The following ADGRL2 variants were observed in gnomAD, a reference collection of about 807,000 sequenced individuals.
ADGRL2 encodes the protein adhesion G protein-coupled receptor L2, also known as calcium-independent alpha-latrotoxin receptor 2.
ADGRL2 carries 44 observed loss-of-function variants against 157.4 expected under a neutral mutation model. The ratio of observed to expected loss-of-function variants is 0.28; its 90% confidence interval spans 0.22 to 0.36. The LOEUF (loss-of-function observed/expected upper bound fraction) is 0.36. Ranked by LOEUF, ADGRL2 falls within the 10% of genes least tolerant of loss-of-function variation. The pLI, the probability that ADGRL2 is intolerant of heterozygous loss-of-function variation, is 1.00. For missense variants in ADGRL2, 1,510 were observed against 1,768.9 expected (o/e 0.85, Z 2.63); for synonymous variants, 585 against 624.7 (o/e 0.94, Z 0.95).
chr1:81,797,573 A>G (rs1452056916), upstream of ADGRL2, among the ~76,000 whole-genome samples: 1 of 152,198 alleles, frequency 6.6e-6, no homozygotes, highest in East Asian at 1.9e-4. Flanking sequence ...ACTAATCACA[A>G]TATTCTGCAC....
intron 3 of ADGRL2, among the ~76,000 whole-genome samples, chr1:81,655,329 C>A (rs2082509584): frequency 6.6e-6 from 1 of 152,118 alleles, no homozygotes; most frequent in African/African-American, 2.4e-5. Context: ...TTACTACTAA[C>A]ACCCCCATTT....
At chr1:81,482,077 G>T (rs1393780896) in intron 2 of ADGRL2, among the ~76,000 whole-genome samples, 1 of 152,112 alleles carries the variant, frequency 6.6e-6, no homozygotes, top group African/African-American at 2.4e-5. Flanking sequence ...AAGGTTAAAA[G>T]TTGCCTTGAA....
chr1:81,575,196 C>T (rs1026717497), intron 2 of ADGRL2, among the ~76,000 whole-genome samples: 48 of 152,054 alleles, frequency 3.2e-4, no homozygotes, highest in Non-Finnish European at 5.7e-4. Flanking sequence ...CGTGTCTTCC[C>T]CCATGCCGGT....
chr1:81,539,028 A>AAAAAAAG (rs1553121682), intron 2 of ADGRL2, among the ~76,000 whole-genome samples: 2 of 144,758 alleles, frequency 1.4e-5, no homozygotes. Context: ...AAAAAAAAAA[A>AAAAAAAG]GACAACATAA....
Position 81,727,722 on chromosome 1 carries a change from C to T in ADGRL2, c.-143+27914C>T, listed in dbSNP as rs573798875. Among the ~76,000 whole-genome samples, 113 of 152,154 alleles carry T rather than the reference C, an allele frequency of 7.4e-4. 1 individual carries two copies. The highest frequency in any genetic ancestry group is 2.4e-3 in the African/African-American group (100 of 41,518). ...CTGGGATTGCAGGCATGAGCCACCACGCCTGGCTGAAAACTCAATTTTTAC... is the reference window on the plus strand; with the variant it reads ...CTGGGATTGCAGGCATGAGCCACCATGCCTGGCTGAAAACTCAATTTTTAC... On this transcript the variant is annotated intron_variant, in intron 1 of 20. Coordinates refer to the ADGRL2 transcript ENST00000359929.
intron 1 of ADGRL2, among the ~76,000 whole-genome samples, chr1:81,370,530 A>G (rs1030356270): frequency 2.0e-5 from 3 of 152,120 alleles, no homozygotes; most frequent in African/African-American, 7.2e-5. Context: ...CCTACATGAA[A>G]ATTATACCCA....
At chr1:81,718,700 C>G (rs192899041) in intron 1 of ADGRL2, among the ~76,000 whole-genome samples, 1 of 152,328 alleles carries the variant, frequency 6.6e-6, no homozygotes, top group East Asian at 1.9e-4. Context: ...GCTTCGCCTT[C>G]TAATCCAATC....
At chr1:81,658,665 G>A (rs2082586955) in intron 3 of ADGRL2, among the ~76,000 whole-genome samples, 1 of 152,104 alleles carries the variant, frequency 6.6e-6, no homozygotes, top group African/African-American at 2.4e-5. Context: ...AGAACATGCA[G>A]TATTTGACTT....
intron 1 of ADGRL2, among the ~76,000 whole-genome samples, chr1:81,390,667 AT>A (rs2076528550): frequency 6.6e-6 from 1 of 152,308 alleles, no homozygotes; most frequent in African/African-American, 2.4e-5. Flanking sequence ...CAGAAAGGGA[AT>A]TATACTGTAC....
chr1:81,865,419 T>C (rs1049376234), intron 2 of ADGRL2, among the ~76,000 whole-genome samples: 3 of 152,246 alleles, frequency 2.0e-5, no homozygotes, highest in African/African-American at 7.2e-5. Flanking sequence ...TTTGGGGATA[T>C]GGAATGTTCA....
intron 2 of ADGRL2, among the ~76,000 whole-genome samples, chr1:81,781,385 A>G (rs1368791016): frequency 6.6e-6 from 1 of 152,164 alleles, no homozygotes; most frequent in Non-Finnish European, 1.5e-5. Flanking sequence ...CAGTGCAGAT[A>G]TACTTGTTCC....
At chr1:81,557,809 A>G (rs2080347395) in intron 2 of ADGRL2, 2 of 152,496 alleles carry the variant, frequency 1.3e-5, no homozygotes, top group South Asian at 4.1e-4. Context: ...CCCAGAGAAC[A>G]TACCCCCTAG....
chr1:81,473,390 T>A (rs1489163347), intron 2 of ADGRL2, among the ~76,000 whole-genome samples: 2 of 152,204 alleles, frequency 1.3e-5, no homozygotes. Flanking sequence ...CCAGAACTTA[T>A]ATACACACTG....
At chr1:81,866,943 C>G (rs1236930819) in intron 2 of ADGRL2, among the ~76,000 whole-genome samples, 1 of 152,032 alleles carries the variant, frequency 6.6e-6, no homozygotes, top group Non-Finnish European at 1.5e-5. Flanking sequence ...TGACTTTTAA[C>G]AAACATTAAG....
intron 2 of ADGRL2, 46 bp from the exon 3 acceptor site, chr1:81,906,970 TC>T (rs1158844366): frequency 2.1e-6 from 3 of 1,417,690 alleles, no homozygotes; most frequent in East Asian, 4.9e-5. Flanking sequence ...AAATAATTTA[TC>T]TTATAAATGA....
chr1:81,780,983 A>C (rs968644023), intron 2 of ADGRL2, among the ~76,000 whole-genome samples: 1 of 152,176 alleles, frequency 6.6e-6, no homozygotes, highest in African/African-American at 2.4e-5. Context: ...TCATTTGTTA[A>C]AGGGTTAAAT....
In ADGRL2 at chr1:81,943,747, T is replaced by A. The variant is rs752532913; in HGVS notation, c.1188T>A (p.Phe396Leu). 6.2e-7 allele frequency: 1 copy of A among 1,613,206 alleles called. No individual in the cohort carries two copies. Among genetic ancestry groups the A allele is most frequent in the East Asian group, 2.2e-5 (1 of 44,852 alleles). ...NNFILRYSLEFGPPDPAQVPT... is the reference protein window; with the variant it reads ...NNFILRYSLELGPPDPAQVPT... ...TCATTTTACGATATTCTCTGGAGTT[T>A]GGTCCACCTGATCCTGCCCAAGGTA... The change falls in exon 6 of 24, where the codon TTT (phenylalanine) becomes TTA (leucine). Residue 396 changes from phenylalanine (F) to leucine (L), a missense_variant. Around this residue, in one of 4 missense-constraint regions of ADGRL2, gnomAD observed 361 missense variants for 498.4 expected, o/e 0.72. Coordinates refer to ENST00000686636, the MANE Select transcript of ADGRL2 (RefSeq NM_001366006.2). This position sits in a 1 kb window ranked among gnomAD's most constrained non-coding sequence, Gnocchi z 5.6.
intron 2 of ADGRL2, among the ~76,000 whole-genome samples, chr1:81,847,490 A>G (rs2092837140): frequency 1.3e-5 from 2 of 152,016 alleles, no homozygotes; most frequent in Admixed American, 6.6e-5. Flanking sequence ...AACCCAAACA[A>G]CCATAGTTGA....
chr1:81,517,464 C>CAAAAA (rs397956551), intron 2 of ADGRL2, among the ~76,000 whole-genome samples: 22 of 45,208 alleles, frequency 4.9e-4, no homozygotes, highest in African/African-American at 8.1e-4. Context: ...GACTCCCTCT[C>CAAAAA]AAAAAAAAAA....
Sources: allele counts gnomAD v4.1 joint callset (sites outside exome capture counted in the v4.1 genomes callset), GRCh38; gene constraint gnomAD v4.1.1; regional missense constraint gnomAD v4.1.1; non-coding constraint Gnocchi (gnomAD v3.1); transcripts MANE v1.5; gene names NCBI Gene and HGNC (gene_info 2026-07-23, HGNC 2026-07-21).